The following ADAMTS12 variants were observed in gnomAD, a reference collection of about 807,000 sequenced individuals.
The protein encoded by ADAMTS12 is A disintegrin and metalloproteinase with thrombospondin motifs 12.
Under a neutral mutation model 167.8 loss-of-function variants are expected in ADAMTS12, and 118 were observed. The ratio of observed to expected loss-of-function variants is 0.70; its 90% CI spans 0.61 to 0.82. The LOEUF (loss-of-function observed/expected upper bound fraction) is 0.82. ADAMTS12 is among the 40% of genes least tolerant of loss of function. The probability of loss-of-function intolerance (pLI) is 0.00; values close to 1 mark genes in which losing one functional copy is unlikely to be tolerated. For synonymous variants in ADAMTS12, 704 were observed against 716.9 expected (o/e 0.98, Z 0.29); for missense variants, 1,916 against 1,998.8 (o/e 0.96, Z 0.79).
intron 5 of ADAMTS12, among the ~76,000 whole-genome samples, chr5:33,671,285 G>C (rs916857520): frequency 2.0e-5 from 3 of 152,120 alleles, no homozygotes; most frequent in Non-Finnish European, 4.4e-5. Flanking sequence ...AAATCGCATA[G>C]AACTAAATGT....
intron 16 of ADAMTS12, among the ~76,000 whole-genome samples, chr5:33,599,097 C>A (rs561808051): frequency 6.6e-6 from 1 of 152,122 alleles, no homozygotes; most frequent in Non-Finnish European, 1.5e-5. Context: ...TGGTTCTAGC[C>A]CCCAGGCATT....
At chr5:33,798,762 C>G (rs1746877195) in intron 2 of ADAMTS12, among the ~76,000 whole-genome samples, 1 of 152,106 alleles carries the variant, frequency 6.6e-6, no homozygotes, top group South Asian at 2.1e-4. Flanking sequence ...AATTGTGGTT[C>G]TATTGGATTA....
At chr5:33,785,778 T>C (rs1457382449) in intron 2 of ADAMTS12, among the ~76,000 whole-genome samples, 2 of 152,208 alleles carry the variant, frequency 1.3e-5, no homozygotes, top group Non-Finnish European at 2.9e-5. Flanking sequence ...AAGACTAACA[T>C]AGACATTTCA....
intron 22 of ADAMTS12, among the ~76,000 whole-genome samples, chr5:33,536,777 G>A (rs1744435061): frequency 6.6e-6 from 1 of 152,152 alleles, no homozygotes; most frequent in Admixed American, 6.5e-5. Context: ...GAGTTAAAGG[G>A]GAGACTTAAA....
At chr5:33,744,536 T>A (rs1297521373) in intron 3 of ADAMTS12, among the ~76,000 whole-genome samples, 2 of 152,160 alleles carry the variant, frequency 1.3e-5, no homozygotes, top group African/African-American at 4.8e-5. Context: ...TTGGAAATAT[T>A]TCTCTGACTT....
intron 19 of ADAMTS12, among the ~76,000 whole-genome samples, chr5:33,564,774 T>C (rs1014036651): frequency 1.3e-5 from 2 of 152,184 alleles, no homozygotes; most frequent in African/African-American, 2.4e-5. Context: ...TCAATGCTAG[T>C]TGCCGCCCCT....
At chr5:33,798,781 C>T (rs1746878219) in intron 2 of ADAMTS12, among the ~76,000 whole-genome samples, 1 of 152,138 alleles carries the variant, frequency 6.6e-6, no homozygotes, top group Non-Finnish European at 1.5e-5. Flanking sequence ...TAAGAGCTCA[C>T]TCTTATGATC....
At chr5:33,751,332 T>A in intron 3 of ADAMTS12, 72 bp downstream of exon 3, 1 of 1,593,098 alleles carries the variant, frequency 6.3e-7, no homozygotes, top group East Asian at 2.2e-5. Flanking sequence ...TAAGAATAGG[T>A]CATGTTTTAA....
chr5:33,535,104 C>T (rs1452953867), intron 22 of ADAMTS12, 112 bp from the exon 23 acceptor site: 2 of 1,154,674 alleles, frequency 1.7e-6, no homozygotes, highest in East Asian at 2.6e-5. Flanking sequence ...TCTCAATAAC[C>T]AGAAACCTTT....
At chr5:33,869,721 G>A (rs576208070) in intron 2 of ADAMTS12, among the ~76,000 whole-genome samples, 4 of 152,288 alleles carry the variant, frequency 2.6e-5, no homozygotes, top group African/African-American at 9.6e-5. Context: ...CACAAGGTCA[G>A]GGCAAAACTA....
intron 3 of ADAMTS12, among the ~76,000 whole-genome samples, chr5:33,689,029 C>G (rs778014284): frequency 2.0e-5 from 3 of 152,176 alleles, no homozygotes; most frequent in African/African-American, 2.4e-5. Context: ...CCCTAACTGT[C>G]CCACCTTTCT....
intron 2 of ADAMTS12, among the ~76,000 whole-genome samples, chr5:33,772,818 T>C (rs1219368407): frequency 6.6e-6 from 1 of 152,222 alleles, no homozygotes; most frequent in Non-Finnish European, 1.5e-5. Flanking sequence ...CCACGTGTGA[T>C]GTAAATAAGG....
chr5:33,796,727 G>A (rs1746791580), intron 2 of ADAMTS12, among the ~76,000 whole-genome samples: 1 of 152,306 alleles, frequency 6.6e-6, no homozygotes, highest in South Asian at 2.1e-4. Flanking sequence ...TATGTGCTGA[G>A]ATCAAGCCTA....
chr5:33,618,606 C>T (rs563332067), intron 14 of ADAMTS12, among the ~76,000 whole-genome samples: 2 of 152,254 alleles, frequency 1.3e-5, no homozygotes, highest in East Asian at 1.9e-4. Context: ...CTGGGACAGT[C>T]GTCTGGTCCT....
At chr5:33,680,259 G>A (rs1389587798) in intron 5 of ADAMTS12, among the ~76,000 whole-genome samples, 1 of 152,164 alleles carries the variant, frequency 6.6e-6, no homozygotes, top group African/African-American at 2.4e-5. Flanking sequence ...GAGTCAGGGG[G>A]CAGAGGCCAA....
Position 33,524,899 on chromosome 5 carries a change from C to T in ADAMTS12, c.*2289G>A, listed in dbSNP as rs548174547. ...TGGCCAAACTCTCTCCACATGTCTA[C>T]CATCTTCTCCACCACGTGGATTGTA... On this transcript the variant is annotated 3_prime_UTR_variant, in exon 24 of 24. Coordinates refer to ENST00000504830, the MANE Select transcript of ADAMTS12 (RefSeq NM_030955.4). 6.6e-6 allele frequency: 1 copy of T among 152,364 alleles called. No individual in the cohort carries two copies. The highest frequency in any genetic ancestry group is 1.9e-4 in the East Asian group (1 of 5,186). The allele number at this position is 152,364 out of a possible 1,614,324, so 9.4% of individuals were successfully genotyped here. A position where few individuals can be genotyped will look rare whatever the true frequency, so the allele number is the denominator to read the frequency against.
intron 2 of ADAMTS12, among the ~76,000 whole-genome samples, chr5:33,873,628 T>G (rs1033539473): frequency 1.1e-4 from 16 of 152,018 alleles, no homozygotes; most frequent in Non-Finnish European, 2.4e-4. Context: ...CAAGGAGAAG[T>G]GGAGAACTGA....
At chr5:33,823,042 G>C (rs557884726) in intron 2 of ADAMTS12, among the ~76,000 whole-genome samples, 17 of 147,194 alleles carry the variant, frequency 1.2e-4, no homozygotes, top group Middle Eastern at 3.5e-3. Flanking sequence ...AGTGAGCTAT[G>C]ATCACACCAC....
intron 2 of ADAMTS12, among the ~76,000 whole-genome samples, chr5:33,764,957 T>C (rs919041501): frequency 6.6e-6 from 1 of 152,128 alleles, no homozygotes; most frequent in African/African-American, 2.4e-5. Flanking sequence ...CATATGAACA[T>C]AACACACCAA....
Sources: gnomAD v4.1 joint callset for allele counts (sites outside exome capture counted in the v4.1 genomes callset) on GRCh38, gnomAD v4.1.1 for gene constraint, MANE v1.5 for transcripts, NCBI Gene and HGNC (gene_info 2026-07-23, HGNC 2026-07-21) for gene names.